Variants in DIP2C observed in about 807,000 individuals in gnomAD.
DIP2C encodes DIP2 acetate--CoA ligase C (putative), also known as disco-interacting protein 2 homolog C.
A neutral mutation model predicts 192.4 loss-of-function variants in DIP2C; 33 were observed. The ratio of observed to expected loss-of-function variants is 0.17; its 90% CI spans 0.13 to 0.23. The LOEUF (loss-of-function observed/expected upper bound fraction) is 0.23, where lower values mean the gene tolerates loss of function less well. Ranked by LOEUF, DIP2C falls within the 10% of genes least tolerant of loss-of-function variation. The probability of loss-of-function intolerance (pLI) is 1.00; values close to 1 mark genes in which losing one functional copy is unlikely to be tolerated. For synonymous variants in DIP2C, 979 were observed against 864.1 expected, an observed-to-expected ratio of 1.13 and a Z score of -2.33; for missense variants, 1,537 against 2,110.1, an observed-to-expected ratio of 0.73 and a Z score of 5.32.
intron 1 of DIP2C, among the ~76,000 whole-genome samples, chr10:611,154 T>G (rs906987349): frequency 1.3e-5 from 2 of 152,042 alleles, no homozygotes; most frequent in Non-Finnish European, 2.9e-5. Flanking sequence ...CTCATGATAG[T>G]TCTCATGAGA....
intron 1 of DIP2C, among the ~76,000 whole-genome samples, chr10:568,761 GTC>G (rs1849591401): frequency 2.7e-5 from 1 of 37,192 alleles, no homozygotes; most frequent in Non-Finnish European, 5.5e-5. Flanking sequence ...GGGAAACTCC[GTC>G]TCAAAAAAAA....
chr10:441,565 TAGTG>T (rs202218012), intron 3 of DIP2C, among the ~76,000 whole-genome samples: 3,765 of 152,310 alleles, frequency 0.025, 52 homozygotes, highest in Non-Finnish European at 0.033. Flanking sequence ...ATTATCGTGA[TAGTG>T]AGTAAGTTTC....
intron 1 of DIP2C, among the ~76,000 whole-genome samples, chr10:557,594 C>T (rs891255493): frequency 4.3e-5 from 6 of 140,460 alleles, no homozygotes; most frequent in Admixed American, 2.2e-4. Flanking sequence ...CTCACAATAC[C>T]AAGTGAAAAA....
chr10:323,779 G>C (rs966237774), intron 31 of DIP2C, among the ~76,000 whole-genome samples: 1 of 152,134 alleles, frequency 6.6e-6, no homozygotes, highest in Admixed American at 6.5e-5. Context: ...AACATTTCAG[G>C]CTTTCCTTAT....
At chr10:361,693 T>C (rs1959534909) in intron 22 of DIP2C, among the ~76,000 whole-genome samples, 1 of 152,148 alleles carries the variant, frequency 6.6e-6, no homozygotes, top group Non-Finnish European at 1.5e-5. Flanking sequence ...ATTATAAATC[T>C]TCATACTACA....
At chr10:580,924 TAAA>T (rs983975452) in intron 1 of DIP2C, among the ~76,000 whole-genome samples, 5 of 151,952 alleles carry the variant, frequency 3.3e-5, no homozygotes, top group African/African-American at 1.2e-4. Context: ...AAGCACTCCT[TAAA>T]AAATTAGAAG....
At chr10:583,314 T>C (rs1432857137) in intron 1 of DIP2C, among the ~76,000 whole-genome samples, 1 of 152,256 alleles carries the variant, frequency 6.6e-6, no homozygotes. Context: ...AAGAGAATTA[T>C]AGGATAGCTA....
At chr10:368,602 C>T (rs1960582246) in intron 18 of DIP2C, among the ~76,000 whole-genome samples, 1 of 152,200 alleles carries the variant, frequency 6.6e-6, no homozygotes, top group Non-Finnish European at 1.5e-5. Context: ...GAGTGCCTGG[C>T]CCTAGCGCAG....
chr10:554,944 G>A (rs772278601), intron 1 of DIP2C, among the ~76,000 whole-genome samples: 5 of 152,148 alleles, frequency 3.3e-5, no homozygotes, highest in African/African-American at 1.2e-4. Context: ...TCTCTGGTTC[G>A]TCAGAGACAG....
chr10:653,100 T>C (rs1856050537), intron 1 of DIP2C, among the ~76,000 whole-genome samples: 1 of 150,520 alleles, frequency 6.6e-6, no homozygotes, highest in East Asian at 1.9e-4. Flanking sequence ...GTGTGAGGGG[T>C]GACGTCTGTA....
At position 336,002 on chromosome 10, in the gene DIP2C, G is replaced by C. The variant is rs546163367; in HGVS notation, c.3584+5197C>G. On this transcript the variant is annotated intron_variant, in intron 29 of 36. Transcript: ENST00000280886. Reference sequence around the variant, plus strand: ...CAACCTCAACCACCCAGGCTCAAGTGATCCTCCACCTCAGCCTCCCAAGTA... The same window carrying C: ...CAACCTCAACCACCCAGGCTCAAGTCATCCTCCACCTCAGCCTCCCAAGTA... 2.9e-4 allele frequency among the ~76,000 whole-genome samples: 44 copies of C among 152,250 alleles called. No homozygotes were observed. In the East Asian group the frequency reaches 8.3e-3, roughly 29 times the overall value.
At chr10:658,067 C>CGCTGGACCTGACACTGGACCTGAT (rs1564315002) in intron 1 of DIP2C, among the ~76,000 whole-genome samples, 3 of 151,394 alleles carry the variant, frequency 2.0e-5, no homozygotes, top group Non-Finnish European at 4.4e-5. Context: ...CTGGACCTGA[C>CGCTGGACCTGACACTGGACCTGAT]GCTGGACCTG....
chr10:301,002 A>G (rs1304317871), intron 32 of DIP2C, among the ~76,000 whole-genome samples: 1 of 152,236 alleles, frequency 6.6e-6, no homozygotes, highest in Non-Finnish European at 1.5e-5. Context: ...CAAAAGAACT[A>G]TCAGTGTGTA....
chr10:571,526 T>TC (rs1564211460), intron 1 of DIP2C, among the ~76,000 whole-genome samples: 1 of 149,502 alleles, frequency 6.7e-6, no homozygotes, highest in African/African-American at 2.5e-5. Flanking sequence ...TCCTTTCCTC[T>TC]CCCTCCCTCA....
At chr10:577,590 G>A (rs1290708827) in intron 1 of DIP2C, among the ~76,000 whole-genome samples, 1 of 152,208 alleles carries the variant, frequency 6.6e-6, no homozygotes, top group Non-Finnish European at 1.5e-5. Context: ...CGCATGATGG[G>A]ATGAAGGGCC....
chr10:493,361 C>A (rs887343292), intron 1 of DIP2C, among the ~76,000 whole-genome samples: 2 of 152,224 alleles, frequency 1.3e-5, no homozygotes, highest in Admixed American at 6.5e-5. Context: ...ACTTCCCTTT[C>A]CCATGACATT....
rs200500274 is a variant in DIP2C at position 338,516 on chromosome 10, C to T, written c.3584+2683G>A. On this transcript the variant is annotated intron_variant, in intron 29 of 36. Coordinates refer to ENST00000280886, the MANE Select transcript of DIP2C (RefSeq NM_014974.3). ...CTCGACACACGACCACTTACCATCA[C>T]GTTACCGCTGCCCACAGCATTCAGT... is the stretch of plus-strand genomic sequence containing the variant. Among the ~76,000 whole-genome samples the T allele has an allele frequency of 1.1e-4, 17 of 152,220 alleles. No homozygotes were observed. The East Asian group carries it at 1.4e-3, about 12-fold the overall frequency.
chr10:417,801 TCCACCTGTTCCTG>T (rs1965807741), intron 6 of DIP2C, among the ~76,000 whole-genome samples: 2 of 107,448 alleles, frequency 1.9e-5, no homozygotes, highest in Non-Finnish European at 1.8e-5. Flanking sequence ...GGCCTCCCTG[TCCACCTGTTCCTG>T]TCAGGGCGCG....
chr10:583,330 G>A (rs1162301338), intron 1 of DIP2C, among the ~76,000 whole-genome samples: 1 of 152,218 alleles, frequency 6.6e-6, no homozygotes, highest in Non-Finnish European at 1.5e-5. Context: ...AGCTAGTTGG[G>A]AACATTTTTT....
Sources: gnomAD v4.1 joint callset for allele counts (sites outside exome capture counted in the v4.1 genomes callset) on GRCh38, gnomAD v4.1.1 for gene constraint, MANE v1.5 for transcripts, NCBI Gene and HGNC (gene_info 2026-07-23, HGNC 2026-07-21) for gene names.